ZNF804B: variants seen among roughly 807,000 people sequenced by gnomAD.
ZNF804B encodes the protein zinc finger protein 804B.
ZNF804B carries 80 observed loss-of-function variants against 101.4 expected under a neutral mutation model. The observed-to-expected ratio is 0.79, with a 90% confidence interval of 0.66 to 0.95. ZNF804B has a LOEUF of 0.95. Among genes scored for constraint, ZNF804B ranks in the 40% least tolerant of loss-of-function variants. The pLI, the probability that ZNF804B is intolerant of heterozygous loss-of-function variation, is 0.00. For synonymous variants in ZNF804B, 622 were observed against 558.8 expected (o/e 1.11, Z -1.59); for missense variants, 1,673 against 1,561.9 (o/e 1.07, Z -1.20).
chr7:89,004,832 A>G (rs1788348762), intron 1 of ZNF804B, among the ~76,000 whole-genome samples: 1 of 151,948 alleles, frequency 6.6e-6, no homozygotes, highest in Non-Finnish European at 1.5e-5. Flanking sequence ...TGGGGCCACC[A>G]TCTTCATTTT....
chr7:89,221,812 G>A (rs1238225462), intron 2 of ZNF804B, among the ~76,000 whole-genome samples: 3 of 149,892 alleles, frequency 2.0e-5, no homozygotes, highest in African/African-American at 7.4e-5. Flanking sequence ...TTGACTTTCT[G>A]TCATTCTAAC....
chr7:88,809,335 CTAT>C, intron 1 of ZNF804B, among the ~76,000 whole-genome samples: 1 of 151,224 alleles, frequency 6.6e-6, no homozygotes, highest in African/African-American at 2.4e-5. Context: ...ATCTATCTAT[CTAT>C]CTATCTATCT....
chr7:89,064,078 G>A (rs1290473853), intron 1 of ZNF804B, among the ~76,000 whole-genome samples: 3 of 152,112 alleles, frequency 2.0e-5, no homozygotes, highest in African/African-American at 7.2e-5. Context: ...TAGAGAAGGA[G>A]CTGAAGCAGG....
At chr7:88,861,449 A>G (rs2115856993) in intron 1 of ZNF804B, among the ~76,000 whole-genome samples, 1 of 152,340 alleles carries the variant, frequency 6.6e-6, no homozygotes, top group South Asian at 2.1e-4. Flanking sequence ...GAACTGGAAT[A>G]GTACAAATAC....
chr7:89,074,371 C>T (rs575321247), intron 1 of ZNF804B, among the ~76,000 whole-genome samples: 1 of 152,200 alleles, frequency 6.6e-6, no homozygotes, highest in South Asian at 2.1e-4. Flanking sequence ...TGAGAGGAAC[C>T]CAGTGGGAGG....
chr7:88,793,529 A>T (rs1790418104), intron 1 of ZNF804B, among the ~76,000 whole-genome samples: 2 of 152,036 alleles, frequency 1.3e-5, no homozygotes, highest in Non-Finnish European at 2.9e-5. Flanking sequence ...TAGCTTTATA[A>T]TGGTCTCAAT....
At chr7:89,171,527 C>T (rs750763196) in intron 1 of ZNF804B, among the ~76,000 whole-genome samples, 40 of 151,784 alleles carry the variant, frequency 2.6e-4, no homozygotes, top group African/African-American at 8.2e-4. Flanking sequence ...CTCTGCCTCC[C>T]GGGTTCAAGC....
chr7:89,085,747 C>T (rs1376005929), intron 1 of ZNF804B, among the ~76,000 whole-genome samples: 1 of 151,852 alleles, frequency 6.6e-6, no homozygotes, highest in African/African-American at 2.4e-5. Context: ...AAAGGCTGTT[C>T]TCTAATGGAT....
At chr7:88,994,146 T>C (rs1309036682) in intron 1 of ZNF804B, among the ~76,000 whole-genome samples, 2 of 152,130 alleles carry the variant, frequency 1.3e-5, no homozygotes, top group Non-Finnish European at 2.9e-5. Flanking sequence ...GTGAATGTCT[T>C]TGTATCTGAG....
In ZNF804B at chr7:89,336,668, A is replaced by C. The variant is rs751696758; in HGVS notation, c.3686A>C (p.His1229Pro). ...VSASLSSHSS[H>P]LPIAHLHPLS... ...GCTTCCTTAAGTTCTCATAGCAGTC[A>C]CCTCCCTATTGCTCATCTACATCCT... Residue 1229 changes from histidine (H) to proline (P), a missense_variant, in exon 4 of 4, where the codon CAC (histidine) becomes CCC (proline). Coordinates refer to ENST00000333190, the MANE Select transcript of ZNF804B (RefSeq NM_181646.5). The C allele has an allele frequency of 2.5e-6, 4 of 1,613,680 alleles. No individual in the cohort carries two copies. Among genetic ancestry groups the C allele is most frequent in the East Asian group, 2.2e-5 (1 of 44,852 alleles).
chr7:88,919,568 T>A (rs1792689284), intron 1 of ZNF804B, among the ~76,000 whole-genome samples: 2 of 152,076 alleles, frequency 1.3e-5, no homozygotes, highest in Admixed American at 1.3e-4. Flanking sequence ...GAGAATGAGA[T>A]ATTTTTTGAC....
At chr7:88,823,120 G>C (rs552828912) in intron 1 of ZNF804B, among the ~76,000 whole-genome samples, 3 of 152,164 alleles carry the variant, frequency 2.0e-5, no homozygotes, top group African/African-American at 7.2e-5. Flanking sequence ...TGAGGCAGGA[G>C]AATTGCTTAA....
intron 2 of ZNF804B, among the ~76,000 whole-genome samples, chr7:89,269,587 G>C (rs1277425132): frequency 6.6e-6 from 1 of 152,142 alleles, no homozygotes; most frequent in Non-Finnish European, 1.5e-5. Flanking sequence ...CCAGTAATGG[G>C]ATGGCTGGGT....
At chr7:89,144,236 A>G (rs1181518233) in intron 1 of ZNF804B, among the ~76,000 whole-genome samples, 1 of 152,044 alleles carries the variant, frequency 6.6e-6, no homozygotes, top group Admixed American at 6.6e-5. Flanking sequence ...AATGGATCCT[A>G]TAACATATAT....
At chr7:88,995,024 T>C (rs2116160633) in intron 1 of ZNF804B, among the ~76,000 whole-genome samples, 1 of 152,182 alleles carries the variant, frequency 6.6e-6, no homozygotes, top group South Asian at 2.1e-4. Context: ...GGCTTTGTTT[T>C]AGTTCCTGGA....
intron 1 of ZNF804B, among the ~76,000 whole-genome samples, chr7:88,809,133 A>C (rs1790737628): frequency 6.6e-6 from 1 of 152,194 alleles, no homozygotes; most frequent in Admixed American, 6.5e-5. Flanking sequence ...AAGGATTTCT[A>C]ATGTGAAAGA....
chr7:89,024,289 A>AAAG (rs1788712517), intron 1 of ZNF804B, among the ~76,000 whole-genome samples: 1 of 152,174 alleles, frequency 6.6e-6, no homozygotes, highest in South Asian at 2.1e-4. Context: ...CTTAGGGTAC[A>AAAG]AAGAAGTGTA....
chr7:89,163,980 G>C (rs1410872819), intron 1 of ZNF804B, among the ~76,000 whole-genome samples: 1 of 151,018 alleles, frequency 6.6e-6, no homozygotes, highest in African/African-American at 2.4e-5. Flanking sequence ...TTACGCAAGG[G>C]AATGACCATT....
intron 1 of ZNF804B, among the ~76,000 whole-genome samples, chr7:89,021,547 C>T (rs1218635958): frequency 6.6e-6 from 1 of 152,168 alleles, no homozygotes; most frequent in East Asian, 1.9e-4. Flanking sequence ...AACTGTTTGT[C>T]ACACTCTGGG....
Sources: gnomAD v4.1 joint callset for allele counts (sites outside exome capture counted in the v4.1 genomes callset) on GRCh38, gnomAD v4.1.1 for gene constraint, MANE v1.5 for transcripts, NCBI Gene and HGNC (gene_info 2026-07-23, HGNC 2026-07-21) for gene names.